FRMD6: variants seen among roughly 807,000 people sequenced by gnomAD.
The protein encoded by FRMD6 is FERM domain-containing protein 6.
A neutral mutation model predicts 73.2 loss-of-function variants in FRMD6; 37 were observed. That is an observed-to-expected ratio of 0.51 (90% CI 0.39 to 0.66). FRMD6 has a LOEUF of 0.66. Ranked by LOEUF, FRMD6 falls within the 30% of genes least tolerant of loss-of-function variation. FRMD6 has a pLI of 0.00. For synonymous variants in FRMD6, 273 were observed against 282.2 expected, an observed-to-expected ratio of 0.97 and a Z score of 0.33; for missense variants, 714 against 780.5, an observed-to-expected ratio of 0.91 and a Z score of 1.02.
intron 2 of FRMD6, among the ~76,000 whole-genome samples, chr14:51,625,752 C>T (rs944553608): frequency 2.8e-4 from 43 of 151,716 alleles, no homozygotes; most frequent in African/African-American, 9.9e-4. Flanking sequence ...CAAACCTTGC[C>T]TTATTTTAGG....
At chr14:51,451,666 C>T in the FRMD6 span, among the ~76,000 whole-genome samples, 1 of 152,210 alleles carries the variant, frequency 6.6e-6, no homozygotes, top group Non-Finnish European at 1.5e-5. Flanking sequence ...CAGGCGTGAG[C>T]CATCACACTT....
At chr14:51,495,454 G>A (rs1425723272) in intron 1 of FRMD6, among the ~76,000 whole-genome samples, 1 of 152,174 alleles carries the variant, frequency 6.6e-6, no homozygotes, top group Non-Finnish European at 1.5e-5. Flanking sequence ...AGAAATCACT[G>A]AGTCAAATAG....
At chr14:51,503,518 T>G (rs1333643067) in intron 1 of FRMD6, among the ~76,000 whole-genome samples, 1 of 152,156 alleles carries the variant, frequency 6.6e-6, no homozygotes, top group East Asian at 1.9e-4. Context: ...AACTAATCAC[T>G]TTTATTGATT....
rs1897653050 is a variant in FRMD6 at position 51,722,055 on chromosome 14, G to A, written c.1467G>A (p.Met489Ile). ...MCIYITEDML[M>I]SRKLNGHSGL... is the part of the protein sequence containing the mutation. ...TCTACATCACAGAGGACATGCTCAT[G>A]TCGCGGAAGCTGAATGGACACTCTG... The change falls in exon 12 of 14, where the codon ATG becomes ATA. Residue 489 changes from methionine to isoleucine, a missense_variant. Physicochemically the swap from Met to Ile is conservative, Grantham distance 10. Coordinates refer to ENST00000344768, the MANE Select transcript of FRMD6 (RefSeq NM_001267046.2). 1 of 1,614,166 alleles carries A rather than the reference G, an allele frequency of 6.2e-7. No individual in the cohort carries two copies. Among genetic ancestry groups the A allele is most frequent in the Non-Finnish European group, 8.5e-7 (1 of 1,180,024 alleles).
intron 2 of FRMD6, among the ~76,000 whole-genome samples, chr14:51,582,857 G>C (rs1226045833): frequency 6.6e-6 from 1 of 152,172 alleles, no homozygotes; most frequent in African/African-American, 2.4e-5. Flanking sequence ...ACATTAGTGA[G>C]AAGGTTCAAG....
chr14:51,409,340 C>CTTT, the FRMD6 span, among the ~76,000 whole-genome samples: 30 of 84,130 alleles, frequency 3.6e-4, no homozygotes, highest in African/African-American at 7.2e-4. Context: ...AAGTTTTTTG[C>CTTT]TTTTTTTTTT....
chr14:51,730,712 C>CT lies in FRMD6; in HGVS notation c.*2689dup, dbSNP rs1462302374. The CT allele has an allele frequency of 1.3e-5, 2 of 152,162 alleles. No individual in the cohort carries two copies. Among genetic ancestry groups the CT allele is most frequent in the Non-Finnish European group, 2.9e-5 (2 of 68,028 alleles). 9.4% of individuals were successfully genotyped at this position (152,162 alleles called of 1,614,324 possible). The stretch of plus-strand genomic sequence containing the variant: ...GTAAGATTAGCAGTCAATAAAGTTA[C>CT]TTTTTTGCCTTTAAATTGCCTTTTT... On this transcript the variant is annotated 3_prime_UTR_variant, in exon 14 of 14. Transcript: ENST00000344768.
At chr14:51,603,754 G>C (rs1890134512) in intron 2 of FRMD6, among the ~76,000 whole-genome samples, 2 of 152,024 alleles carry the variant, frequency 1.3e-5, no homozygotes, top group South Asian at 4.1e-4. Flanking sequence ...AGTTTTCCGA[G>C]TTCTCAAATA....
In FRMD6 at chr14:51,506,131, G is replaced by T. The variant is rs75559241; in HGVS notation, c.-210+16711G>T. ...CACAGGCTTTGGTGACACTGCTTATGCTCTTTCCTCTGCATGAAATGGCCT... is the reference window on the plus strand; with the variant it reads ...CACAGGCTTTGGTGACACTGCTTATTCTCTTTCCTCTGCATGAAATGGCCT... On this transcript the variant is annotated intron_variant, in intron 1 of 14. Transcript: ENST00000356218. Among the ~76,000 whole-genome samples the T allele has an allele frequency of 4.7e-3, 708 of 152,246 alleles. 7 individuals are homozygous for T. The highest frequency in any genetic ancestry group is 0.016 in the African/African-American group (679 of 41,540).
the FRMD6 span, among the ~76,000 whole-genome samples, chr14:51,420,027 C>T: frequency 7.2e-5 from 11 of 151,766 alleles, no homozygotes; most frequent in South Asian, 8.4e-4. Context: ...TGACTTCCTG[C>T]GCTTTTTAGG....
At chr14:51,486,136 G>A (rs1006476692), upstream of FRMD6, among the ~76,000 whole-genome samples, 3 of 151,644 alleles carry the variant, frequency 2.0e-5, no homozygotes, top group Non-Finnish European at 4.4e-5. Flanking sequence ...CCGGGTTCAC[G>A]TCATTCTCCT....
chr14:51,612,657 T>G (rs1211219861), intron 2 of FRMD6, among the ~76,000 whole-genome samples: 1 of 152,194 alleles, frequency 6.6e-6, no homozygotes, highest in East Asian at 1.9e-4. Flanking sequence ...GGTCTTGATT[T>G]TGCTCATCAT....
the FRMD6 span, among the ~76,000 whole-genome samples, chr14:51,425,175 G>A: frequency 1.3e-5 from 2 of 152,098 alleles, no homozygotes; most frequent in African/African-American, 4.8e-5. Flanking sequence ...GCAATGGACG[G>A]GACTTTGGCT....
intron 1 of FRMD6, among the ~76,000 whole-genome samples, chr14:51,673,118 T>G (rs923982967): frequency 6.6e-6 from 1 of 152,158 alleles, no homozygotes; most frequent in African/African-American, 2.4e-5. Context: ...TGAGGTGATA[T>G]CCTTCACACT....
intron 1 of FRMD6, among the ~76,000 whole-genome samples, chr14:51,658,328 T>TC (rs374420069): frequency 0.14 from 21,820 of 151,078 alleles, 1,594 homozygotes; most frequent in African/African-American, 0.17. Flanking sequence ...TTTCCCTTTT[T>TC]TCTCTCTCTC....
chr14:51,700,996 A>AT (rs568023592), intron 3 of FRMD6, 60 bp from the exon 4 acceptor site: 37 of 767,904 alleles, frequency 4.8e-5, no homozygotes, highest in South Asian at 1.3e-4. Context: ...TTCTTTCTAT[A>AT]TTTTTTTTCT....
At chr14:51,599,058 C>CTTTTTTTTTTTTTTTTTTTTTT (rs59151771) in intron 2 of FRMD6, among the ~76,000 whole-genome samples, 18 of 72,824 alleles carry the variant, frequency 2.5e-4, no homozygotes, top group African/African-American at 6.0e-4. Flanking sequence ...CAGTATCTGT[C>CTTTTTTTTTTTTTTTTTTTTTT]TTTTTTTTTT....
intron 1 of FRMD6, among the ~76,000 whole-genome samples, chr14:51,540,261 C>T (rs1478893466): frequency 6.6e-6 from 1 of 152,110 alleles, no homozygotes; most frequent in East Asian, 1.9e-4. Context: ...ACTTTCTGCC[C>T]TATTCTTGGA....
chr14:51,616,864 A>G (rs1406393653), intron 2 of FRMD6, among the ~76,000 whole-genome samples: 1 of 152,238 alleles, frequency 6.6e-6, no homozygotes, highest in African/African-American at 2.4e-5. Context: ...TCCACCACCT[A>G]TGTAATTAGC....
Sources: gnomAD v4.1 joint callset for allele counts (sites outside exome capture counted in the v4.1 genomes callset) on GRCh38, gnomAD v4.1.1 for gene constraint, MANE v1.5 for transcripts, NCBI Gene and HGNC (gene_info 2026-07-23, HGNC 2026-07-21) for gene names.